PPM1E: variants seen among roughly 807,000 people sequenced by gnomAD.
PPM1E encodes the protein protein phosphatase, Mg2+/Mn2+ dependent 1E, also known as protein phosphatase 1E.
PPM1E carries 20 observed loss-of-function variants against 65.9 expected under a neutral mutation model. The observed-to-expected ratio is 0.30, with a 90% confidence interval of 0.21 to 0.44. PPM1E has a LOEUF of 0.44. Among genes scored for constraint, PPM1E ranks in the 20% least tolerant of loss-of-function variants. PPM1E has a pLI of 1.00. For synonymous variants in PPM1E, 352 were observed against 374.9 expected (o/e 0.94, Z 0.70); for missense variants, 713 against 953.1 (o/e 0.75, Z 3.32).
chr17:58,791,568 A>G (rs919040384), intron 1 of PPM1E, among the ~76,000 whole-genome samples: 1 of 152,144 alleles, frequency 6.6e-6, no homozygotes, highest in Non-Finnish European at 1.5e-5. Flanking sequence ...TTAACAGCAA[A>G]ACTTTCCTCT....
At chr17:58,793,855 T>G (rs547974235) in intron 1 of PPM1E, among the ~76,000 whole-genome samples, 2 of 152,220 alleles carry the variant, frequency 1.3e-5, no homozygotes, top group East Asian at 3.9e-4. Context: ...CACTTTTATT[T>G]TATTTTGCGA....
chr17:58,815,524 G>A (rs1415442862), intron 1 of PPM1E, among the ~76,000 whole-genome samples: 2 of 152,208 alleles, frequency 1.3e-5, no homozygotes, highest in Non-Finnish European at 2.9e-5. Context: ...CCTAGAAAGA[G>A]TGGGGAGGAT....
intron 1 of PPM1E, among the ~76,000 whole-genome samples, chr17:58,872,103 GC>G (rs2051077572): frequency 6.6e-6 from 1 of 152,128 alleles, no homozygotes; most frequent in South Asian, 2.1e-4. Context: ...TTTGAGACCA[GC>G]CTGGCCAACA....
chr17:58,803,528 A>G (rs561249036), intron 1 of PPM1E, among the ~76,000 whole-genome samples: 12 of 152,270 alleles, frequency 7.9e-5, no homozygotes, highest in African/African-American at 2.9e-4. Context: ...GGATATTGGC[A>G]CTACTAACAT....
intron 1 of PPM1E, among the ~76,000 whole-genome samples, chr17:58,948,028 G>A (rs1394255221): frequency 6.6e-6 from 1 of 152,160 alleles, no homozygotes; most frequent in Non-Finnish European, 1.5e-5. Flanking sequence ...TGAGTATGAA[G>A]AGCAAGTATC....
chr17:58,861,142 C>T (rs1399462193), intron 1 of PPM1E, among the ~76,000 whole-genome samples: 4 of 152,138 alleles, frequency 2.6e-5, no homozygotes, highest in Admixed American at 2.6e-4. Flanking sequence ...AAAGGCAATA[C>T]CCACCATGGT....
chr17:58,909,487 G>C (rs904873579), intron 1 of PPM1E, among the ~76,000 whole-genome samples: 2 of 151,954 alleles, frequency 1.3e-5, no homozygotes, highest in Non-Finnish European at 2.9e-5. Flanking sequence ...TGAACTCCTG[G>C]CCTCAACTGA....
In PPM1E at chr17:58,756,378, C is replaced by T; in HGVS notation, c.381C>T (p.Leu127=). 7.3e-7 allele frequency: 1 copy of T among 1,373,382 alleles called. No individual in the cohort carries two copies. The allele number at this position is 1,373,382 out of a possible 1,614,324, so 85.1% of individuals were successfully genotyped here. Residue 127 remains leucine (L), a synonymous_variant, in exon 1 of 7, where the codon CTC becomes CTT. Transcript: ENST00000308249. ...PPPQLPPLPP[L]PRPLSERITR... is the part of the protein sequence containing the mutation. ...CCCAGCTGCCGCCTTTGCCCCCGCT[C>T]CCGCGACCGCTGTCAGAGCGCATCA...
At chr17:58,829,103 C>T (rs1217456069) in intron 1 of PPM1E, among the ~76,000 whole-genome samples, 4 of 151,818 alleles carry the variant, frequency 2.6e-5, no homozygotes, top group Admixed American at 6.6e-5. Flanking sequence ...AGTGCAATGG[C>T]GCAATCTCAG....
chr17:58,920,408 T>C (rs2051737131), intron 1 of PPM1E, among the ~76,000 whole-genome samples: 1 of 152,184 alleles, frequency 6.6e-6, no homozygotes, highest in South Asian at 2.1e-4. Context: ...TACTAATAAC[T>C]AAACCTTCAT....
rs1598723919 is a variant in PPM1E at position 58,982,667 on chromosome 17, GATTTT to G, written c.*1642_*1646del. The G allele has an allele frequency of 1.3e-5, 6 of 478,834 alleles. No individual in the cohort carries two copies. The East Asian group carries it at 2.0e-4, about 16-fold the overall frequency. The allele number at this position is 478,834 out of a possible 1,614,324, so 29.7% of individuals were successfully genotyped here. A position where few individuals can be genotyped will look rare whatever the true frequency, so the allele number is the denominator to read the frequency against. On this transcript the variant is annotated 3_prime_UTR_variant, in exon 7 of 7. Transcript: ENST00000308249. ...GCAATGATCAGATTGTTAATCTACA[GATTTT>G]ATTTTTTAAAATTTGGATGTAAGTA... is the stretch of plus-strand genomic sequence containing the variant.
intron 1 of PPM1E, among the ~76,000 whole-genome samples, chr17:58,787,236 C>G (rs546594436): frequency 5.3e-5 from 8 of 152,302 alleles, no homozygotes; most frequent in African/African-American, 1.9e-4. Context: ...GTGTGACTCT[C>G]AAACCTCAGT....
intron 1 of PPM1E, chr17:58,899,575 G>A: frequency 4.5e-6 from 1 of 223,744 alleles, no homozygotes; most frequent in Non-Finnish European, 9.5e-6. Context: ...CTGTAAAATT[G>A]ACAGAGGGGG....
Position 58,756,003 on chromosome 17 carries a change from C to T in PPM1E, c.6C>T (p.Ala2=), listed in dbSNP as rs1165795922. The change falls in exon 1 of 7, where the codon GCC becomes GCT. Residue 2 remains alanine, a synonymous_variant. Transcript: ENST00000308249. M[A]GCIPEEKTYR... ...GCCCTGGGGCATGAGCAGCGATGGCCGGCTGCATCCCTGAGGAGAAAACTT... is the reference window on the plus strand; with the variant it reads ...GCCCTGGGGCATGAGCAGCGATGGCTGGCTGCATCCCTGAGGAGAAAACTT... 6 of 1,613,994 alleles carry T rather than the reference C, an allele frequency of 3.7e-6. No homozygotes were observed. The highest frequency in any genetic ancestry group is 3.3e-5 in the South Asian group (3 of 91,074).
At chr17:58,951,784 G>T (rs764421466) in intron 1 of PPM1E, among the ~76,000 whole-genome samples, 1 of 151,994 alleles carries the variant, frequency 6.6e-6, no homozygotes, top group African/African-American at 2.4e-5. Flanking sequence ...ATGCAGTATC[G>T]TGAGACCTTC....
intron 1 of PPM1E, among the ~76,000 whole-genome samples, chr17:58,846,058 C>T (rs1480497697): frequency 6.6e-6 from 1 of 152,150 alleles, no homozygotes; most frequent in Non-Finnish European, 1.5e-5. Flanking sequence ...ATTCATCAGT[C>T]AGTTGATACC....
At chr17:58,938,764 C>T (rs993400823) in intron 1 of PPM1E, among the ~76,000 whole-genome samples, 2 of 149,622 alleles carry the variant, frequency 1.3e-5, no homozygotes, top group Non-Finnish European at 3.0e-5. Context: ...TACTCATAGG[C>T]TGTCTATGCT....
intron 1 of PPM1E, among the ~76,000 whole-genome samples, chr17:58,943,707 A>T (rs2052105635): frequency 6.6e-6 from 1 of 152,204 alleles, no homozygotes; most frequent in Non-Finnish European, 1.5e-5. Flanking sequence ...TTATTGAGTC[A>T]GAAACTCTGT....
intron 4 of PPM1E, among the ~76,000 whole-genome samples, chr17:58,971,824 A>G (rs1345596662): frequency 6.6e-6 from 1 of 152,238 alleles, no homozygotes; most frequent in African/African-American, 2.4e-5. Flanking sequence ...TGTCTTATAT[A>G]CTAATAGTTA....
Sources: allele counts gnomAD v4.1 joint callset (sites outside exome capture counted in the v4.1 genomes callset), GRCh38; gene constraint gnomAD v4.1.1; transcripts MANE v1.5; gene names NCBI Gene and HGNC (gene_info 2026-07-23, HGNC 2026-07-21).